Variants in GRIP1 observed in about 807,000 individuals in gnomAD.
The protein encoded by GRIP1 is glutamate receptor interacting protein 1, also known as glutamate receptor-interacting protein 1.
GRIP1 carries 45 observed loss-of-function variants against 129.9 expected under a neutral mutation model. The ratio of observed to expected loss-of-function variants is 0.35; its 90% CI spans 0.27 to 0.44. The LOEUF (loss-of-function observed/expected upper bound fraction) is 0.44, where lower values mean the gene tolerates loss of function less well. GRIP1 is among the 20% of genes least tolerant of loss of function. The probability of loss-of-function intolerance (pLI) is 1.00; values close to 1 mark genes in which losing one functional copy is unlikely to be tolerated. For synonymous variants in GRIP1, 530 were observed against 520.8 expected (o/e 1.02, Z -0.24); for missense variants, 1,196 against 1,396.8 (o/e 0.86, Z 2.29).
At chr12:66,388,074 T>TA (rs888070843) in intron 19 of GRIP1, among the ~76,000 whole-genome samples, 246 of 143,908 alleles carry the variant, frequency 1.7e-3, no homozygotes, top group Admixed American at 2.4e-3. Flanking sequence ...AAATTGTACG[T>TA]AAAAAAAAAA....
chr12:66,702,647 C>G (rs2035390084), intron 1 of GRIP1, among the ~76,000 whole-genome samples: 1 of 152,018 alleles, frequency 6.6e-6, no homozygotes, highest in South Asian at 2.1e-4. Flanking sequence ...AAAAGTCTCC[C>G]TAACAAAGCA....
chr12:66,466,323 T>G lies in GRIP1; in HGVS notation c.725-901A>C, dbSNP rs552468975. Among the ~76,000 whole-genome samples the G allele has an allele frequency of 3.9e-5, 6 of 152,356 alleles. No individual in the cohort carries two copies. In the South Asian group the frequency reaches 1.2e-3, roughly 32 times the overall value. On this transcript the variant is annotated intron_variant, in intron 7 of 24. Transcript: ENST00000359742. ...TAAACATGCTTGAAGGTAGAGACTA[T>G]GTCTTGTCAATCACAGCATTCTCAG...
At chr12:66,728,993 T>TA (rs1029898956) in intron 1 of GRIP1, among the ~76,000 whole-genome samples, 2 of 151,662 alleles carry the variant, frequency 1.3e-5, no homozygotes, top group African/African-American at 4.8e-5. Context: ...ATCACTCAAA[T>TA]AAAAAAGGAG....
intron 1 of GRIP1, among the ~76,000 whole-genome samples, chr12:66,856,142 A>G (rs2039999147): frequency 6.6e-6 from 1 of 152,128 alleles, no homozygotes; most frequent in African/African-American, 2.4e-5. Flanking sequence ...TATTTAATAA[A>G]TGGTGCTGGG....
chr12:66,349,090 T>C lies in GRIP1; in HGVS notation c.3316A>G (p.Asn1106Asp). ...QSLPGDWSEQNSAFFQQPSHG... is the reference protein window; with the variant it reads ...QSLPGDWSEQDSAFFQQPSHG... ...CTAGGCTGCTGGAAAAAAGCACTGT[T>C]CTGTTCACTCCAATCTCCTGGTAGA... is the stretch of plus-strand genomic sequence containing the variant. The change falls in exon 25 of 25, where the codon AAC (asparagine) becomes GAC (aspartate). Residue 1106 changes from asparagine to aspartate, a missense_variant. By Grantham distance (23) the Asn-to-Asp change is conservative (BLOSUM62 1). This residue lies in a region of GRIP1 where 427 missense variants were observed against 463.3 expected (regional missense o/e 0.92). Transcript: ENST00000359742. The C allele has an allele frequency of 6.2e-7, 1 of 1,614,158 alleles. No individual in the cohort carries two copies. The highest frequency in any genetic ancestry group is 8.5e-7 in the Non-Finnish European group (1 of 1,179,980).
intron 1 of GRIP1, among the ~76,000 whole-genome samples, chr12:66,972,268 G>A (rs111806111): frequency 3.9e-5 from 6 of 152,208 alleles, no homozygotes; most frequent in African/African-American, 1.4e-4. Context: ...GTCTCTGTCT[G>A]AGTACTTCAA....
At chr12:66,500,662 T>C (rs1466806345) in intron 7 of GRIP1, among the ~76,000 whole-genome samples, 2 of 152,204 alleles carry the variant, frequency 1.3e-5, no homozygotes, top group Non-Finnish European at 2.9e-5. Flanking sequence ...AGAGGTGATC[T>C]GTGTAATAGT....
intron 1 of GRIP1, among the ~76,000 whole-genome samples, chr12:66,904,478 T>C (rs2040895430): frequency 6.6e-6 from 1 of 152,240 alleles, no homozygotes; most frequent in Non-Finnish European, 1.5e-5. Flanking sequence ...GAAATGTGTA[T>C]GAAATTCTGG....
At chr12:66,579,830 T>C (rs1305099629) in intron 2 of GRIP1, among the ~76,000 whole-genome samples, 1 of 150,760 alleles carries the variant, frequency 6.6e-6, no homozygotes, top group Non-Finnish European at 1.5e-5. Flanking sequence ...TGGAAAACAC[T>C]CTGCAGGATA....
chr12:66,939,842 T>C lies in GRIP1; in HGVS notation c.58+129208A>G, dbSNP rs1206539978. Among the ~76,000 whole-genome samples the C allele has an allele frequency of 3.3e-5, 5 of 152,200 alleles. No homozygotes were observed. The East Asian group carries it at 9.6e-4, about 29-fold the overall frequency. Reference sequence around the variant, plus strand: ...ACTTCAAATATACCAGTATACATTCTCCAATGTTATTTTTAGATGCCTTTA... The same window carrying C: ...ACTTCAAATATACCAGTATACATTCCCCAATGTTATTTTTAGATGCCTTTA... On this transcript the variant is annotated intron_variant, in intron 1 of 1. Transcript: ENST00000643019.
At chr12:66,894,939 G>A (rs1504316) in intron 1 of GRIP1, among the ~76,000 whole-genome samples, 54,613 of 151,962 alleles carry the variant, frequency 0.36, 9,944 homozygotes, top group East Asian at 0.41. Flanking sequence ...GCCATCCTCC[G>A]GTCAGTGGTT....
intron 1 of GRIP1, among the ~76,000 whole-genome samples, chr12:66,958,761 G>A (rs2041880353): frequency 6.6e-6 from 1 of 152,134 alleles, no homozygotes; most frequent in African/African-American, 2.4e-5. Context: ...ACAATACTGA[G>A]ATAAACTTTC....
At chr12:66,722,064 T>G (rs758515789) in intron 1 of GRIP1, among the ~76,000 whole-genome samples, 70 of 152,320 alleles carry the variant, frequency 4.6e-4, no homozygotes, top group Middle Eastern at 3.4e-3. Context: ...GCAGTAAGGT[T>G]GTTTTGCCTT....
intron 2 of GRIP1, among the ~76,000 whole-genome samples, chr12:66,551,949 T>A (rs950833528): frequency 1.3e-5 from 2 of 152,140 alleles, no homozygotes; most frequent in Non-Finnish European, 2.9e-5. Context: ...GGGATTAGAA[T>A]GATCAGATGT....
intron 1 of GRIP1, among the ~76,000 whole-genome samples, chr12:66,844,308 G>A (rs954890283): frequency 1.3e-5 from 2 of 151,684 alleles, no homozygotes; most frequent in African/African-American, 4.8e-5. Flanking sequence ...ATTCCTCCAA[G>A]GATATACAAA....
At chr12:66,610,115 G>A (rs915742033) in intron 1 of GRIP1, among the ~76,000 whole-genome samples, 5 of 151,846 alleles carry the variant, frequency 3.3e-5, no homozygotes, top group African/African-American at 7.3e-5. Flanking sequence ...ATATTGATAC[G>A]CAAATCAGTC....
chr12:66,578,234 T>TTTTTG (rs1555210370), intron 2 of GRIP1, among the ~76,000 whole-genome samples: 1 of 140,462 alleles, frequency 7.1e-6, no homozygotes, highest in African/African-American at 2.7e-5. Flanking sequence ...AAACCGCGGT[T>TTTTTG]TTTTTTTTTT....
intron 7 of GRIP1, among the ~76,000 whole-genome samples, chr12:66,500,093 T>C (rs2060349389): frequency 6.6e-6 from 1 of 152,078 alleles, no homozygotes; most frequent in Non-Finnish European, 1.5e-5. Flanking sequence ...ACAACAACAA[T>C]AATAAAACAA....
At chr12:66,575,810 T>A (rs1045666845) in intron 2 of GRIP1, among the ~76,000 whole-genome samples, 1 of 152,172 alleles carries the variant, frequency 6.6e-6, no homozygotes, top group African/African-American at 2.4e-5. Flanking sequence ...AGTTCCAATG[T>A]TGTACCTCCA....
Sources: gnomAD v4.1 joint callset for allele counts (sites outside exome capture counted in the v4.1 genomes callset) on GRCh38, gnomAD v4.1.1 for gene constraint, gnomAD v4.1.1 regional missense constraint, MANE v1.5 for transcripts, NCBI Gene and HGNC (gene_info 2026-07-23, HGNC 2026-07-21) for gene names.